ESRRG: variants seen among roughly 807,000 people sequenced by gnomAD.
The protein encoded by ESRRG is estrogen related receptor gamma.
Under a neutral mutation model 44.0 loss-of-function variants are expected in ESRRG, and 13 were observed. That is an observed-to-expected ratio of 0.30 (90% CI 0.19 to 0.47). ESRRG has a LOEUF of 0.47. Among genes scored for constraint, ESRRG ranks in the 20% least tolerant of loss-of-function variants. The probability of loss-of-function intolerance (pLI) is 1.00; values close to 1 mark genes in which losing one functional copy is unlikely to be tolerated. For missense variants in ESRRG, 395 were observed against 580.6 expected (o/e 0.68, Z 3.29); for synonymous variants, 215 against 214.6 (o/e 1.00, Z -0.02).
chr1:217,119,178 T>A (rs2092784983), intron 1 of ESRRG, among the ~76,000 whole-genome samples: 1 of 152,228 alleles, frequency 6.6e-6, no homozygotes, highest in Non-Finnish European at 1.5e-5. Flanking sequence ...ATAGCACCAT[T>A]CATTACTGTG....
intron 2 of ESRRG, among the ~76,000 whole-genome samples, chr1:216,767,065 A>G (rs2093118299): frequency 6.6e-6 from 1 of 152,172 alleles, no homozygotes; most frequent in Non-Finnish European, 1.5e-5. Context: ...CTAACAGGCA[A>G]GAAAACTGAG....
rs146101162 is a variant in ESRRG, at chr1:217,134,334, C to T, written c.-230+3333G>A. On this transcript the variant is annotated intron_variant, in intron 1 of 8. Coordinates refer to the ESRRG transcript ENST00000366940. ...CCTGGGCACTTTTGGGGGAATGTGG[C>T]CAAAAGGGGACTCTAACTGCGACAT... is the stretch of plus-strand genomic sequence containing the variant. 4.7e-3 allele frequency among the ~76,000 whole-genome samples: 720 copies of T among 152,196 alleles called. 5 individuals carry two copies. The highest frequency in any genetic ancestry group is 0.016 in the African/African-American group (678 of 41,526).
At chr1:217,002,534 A>G (rs143392465) in intron 1 of ESRRG, among the ~76,000 whole-genome samples, 36 of 152,142 alleles carry the variant, frequency 2.4e-4, no homozygotes, top group African/African-American at 8.7e-4. Context: ...CTTCATGGTC[A>G]TCTAGGATGA....
intron 3 of ESRRG, among the ~76,000 whole-genome samples, chr1:216,588,163 T>C (rs1260683258): frequency 6.6e-6 from 1 of 152,192 alleles, no homozygotes; most frequent in African/African-American, 2.4e-5. Flanking sequence ...TACCTGTGAC[T>C]TCACCTTTAT....
At chr1:216,523,989 T>A (rs1306822340) in intron 5 of ESRRG, among the ~76,000 whole-genome samples, 2 of 152,058 alleles carry the variant, frequency 1.3e-5, no homozygotes, top group Non-Finnish European at 2.9e-5. Context: ...GATTCTTTTC[T>A]TTCCCGTACA....
rs567704804 is a variant in ESRRG at position 216,598,061 on chromosome 1, A to T, written c.590-29963T>A. On this transcript the variant is annotated intron_variant, in intron 3 of 6. Transcript: ENST00000408911. ...ATTTATTAAATGTATATTGTGGAACATTCACTGCCCTGAATACTTCATACA... is the reference window on the plus strand; with the variant it reads ...ATTTATTAAATGTATATTGTGGAACTTTCACTGCCCTGAATACTTCATACA... Among the ~76,000 whole-genome samples, 3 of 152,320 alleles carry T rather than the reference A, an allele frequency of 2.0e-5. No individual in the cohort carries two copies. The South Asian group carries it at 6.2e-4, about 32-fold the overall frequency.
intron 2 of ESRRG, among the ~76,000 whole-genome samples, chr1:216,889,191 A>AG (rs568662510): frequency 1.3e-3 from 201 of 152,220 alleles, no homozygotes; most frequent in Non-Finnish European, 2.5e-3. Flanking sequence ...GTTTGGTGGG[A>AG]GGGGGTCAAA....
chr1:216,834,366 A>G (rs2095531709), intron 2 of ESRRG, among the ~76,000 whole-genome samples: 1 of 152,200 alleles, frequency 6.6e-6, no homozygotes, highest in Non-Finnish European at 1.5e-5. Flanking sequence ...GCATCATTGC[A>G]CTCCAGCCTG....
At chr1:217,045,120 T>A (rs938216759) in intron 1 of ESRRG, among the ~76,000 whole-genome samples, 5 of 152,226 alleles carry the variant, frequency 3.3e-5, no homozygotes, top group Non-Finnish European at 7.3e-5. Context: ...TGGGGAAATA[T>A]ATTTTTTTAA....
At chr1:216,812,051 T>C (rs1486669036) in intron 2 of ESRRG, among the ~76,000 whole-genome samples, 1 of 152,140 alleles carries the variant, frequency 6.6e-6, no homozygotes, top group Non-Finnish European at 1.5e-5. Flanking sequence ...GTTTATCCAT[T>C]ATATGATCAA....
At chr1:216,922,559 G>T (rs2061977180) in intron 2 of ESRRG, among the ~76,000 whole-genome samples, 2 of 152,156 alleles carry the variant, frequency 1.3e-5, no homozygotes, top group Admixed American at 1.3e-4. Context: ...CAGCAAGAAG[G>T]TTAATAATTA....
At chr1:216,972,709 C>A (rs183584851) in intron 1 of ESRRG, among the ~76,000 whole-genome samples, 1 of 152,150 alleles carries the variant, frequency 6.6e-6, no homozygotes, top group African/African-American at 2.4e-5. Context: ...TGGCTGCATA[C>A]GCTTAGTCAG....
intron 1 of ESRRG, among the ~76,000 whole-genome samples, chr1:216,686,694 G>T (rs1404920385): frequency 6.6e-6 from 1 of 152,062 alleles, no homozygotes; most frequent in Admixed American, 6.6e-5. Flanking sequence ...TTCCCAGGGA[G>T]CCCTGACTTC....
chr1:217,070,292 T>C (rs1457155723), intron 1 of ESRRG, among the ~76,000 whole-genome samples: 1 of 152,194 alleles, frequency 6.6e-6, no homozygotes, highest in Non-Finnish European at 1.5e-5. Context: ...AATCATCAAA[T>C]AGTATTAAAC....
chr1:216,799,286 A>G (rs2094552999), intron 2 of ESRRG, among the ~76,000 whole-genome samples: 1 of 151,254 alleles, frequency 6.6e-6, no homozygotes, highest in African/African-American at 2.4e-5. Context: ...ATTCAGCAGA[A>G]TTTGGTCTAC....
At chr1:216,835,607 C>T (rs957212710) in intron 2 of ESRRG, among the ~76,000 whole-genome samples, 2 of 152,106 alleles carry the variant, frequency 1.3e-5, no homozygotes, top group Non-Finnish European at 2.9e-5. Flanking sequence ...CTTTAACAAC[C>T]GGAAAGGTTG....
intron 1 of ESRRG, among the ~76,000 whole-genome samples, chr1:217,052,590 C>G (rs983695115): frequency 6.6e-6 from 1 of 152,150 alleles, no homozygotes. Flanking sequence ...ACATCTTTGA[C>G]AGAATATCCA....
intron 2 of ESRRG, among the ~76,000 whole-genome samples, chr1:216,857,151 C>A (rs1276536589): frequency 1.3e-5 from 2 of 151,990 alleles, no homozygotes; most frequent in Non-Finnish European, 2.9e-5. Context: ...TATGCAAGAA[C>A]GACCCCCTTT....
At chr1:217,054,596 G>T (rs181170191) in intron 1 of ESRRG, among the ~76,000 whole-genome samples, 1 of 152,246 alleles carries the variant, frequency 6.6e-6, no homozygotes, top group East Asian at 1.9e-4. Context: ...CTTCGAGGAG[G>T]TTGCAACACC....
Sources: allele counts gnomAD v4.1 joint callset (sites outside exome capture counted in the v4.1 genomes callset), GRCh38; gene constraint gnomAD v4.1.1; transcripts MANE v1.5; gene names NCBI Gene and HGNC (gene_info 2026-07-23, HGNC 2026-07-21).